The following SLC44A5 variants were observed in gnomAD, a reference collection of about 807,000 sequenced individuals.
The protein encoded by SLC44A5 is solute carrier family 44 member 5.
A neutral mutation model predicts 101.8 loss-of-function variants in SLC44A5; 57 were observed. The ratio of observed to expected loss-of-function variants is 0.56; its 90% CI spans 0.45 to 0.70. The LOEUF (loss-of-function observed/expected upper bound fraction) is 0.70, where lower values mean the gene tolerates loss of function less well. Among genes scored for constraint, SLC44A5 ranks in the 30% least tolerant of loss-of-function variants. The pLI is 0.00. For missense variants in SLC44A5, 737 were observed against 853.1 expected (o/e 0.86, Z 1.70); for synonymous variants, 281 against 290.9 (o/e 0.97, Z 0.35).
intron 2 of SLC44A5, among the ~76,000 whole-genome samples, chr1:75,513,406 A>G (rs148421198): frequency 6.6e-6 from 1 of 152,236 alleles, no homozygotes; most frequent in Non-Finnish European, 1.5e-5. Flanking sequence ...GCATTTGTAA[A>G]GTGCAGCTTT....
rs113845466 is a variant in SLC44A5, at chr1:75,586,476, A to T, written c.-70+24564T>A. 6.0e-4 allele frequency among the ~76,000 whole-genome samples: 51 copies of T among 84,802 alleles called. No individual in the cohort carries two copies. The East Asian group carries it at 0.056, about 93-fold the overall frequency. 55.6% of individuals were successfully genotyped at this position (84,802 alleles called of 152,430 possible). ...TTAAGAAATTATATATATATATATAAAATTTAAAATGACAGGCAGAAAATA... is the reference window on the plus strand; with the variant it reads ...TTAAGAAATTATATATATATATATATAATTTAAAATGACAGGCAGAAAATA... On this transcript the variant is annotated intron_variant, in intron 1 of 23. Transcript: ENST00000370859.
the SLC44A5 span, among the ~76,000 whole-genome samples, chr1:75,711,349 T>G: frequency 2.0e-5 from 3 of 152,194 alleles, no homozygotes; most frequent in Non-Finnish European, 4.4e-5. Flanking sequence ...AGACTCACTT[T>G]ATGCTGAAAT....
At chr1:75,352,990 T>G (rs1442760878) in intron 3 of SLC44A5, among the ~76,000 whole-genome samples, 1 of 152,232 alleles carries the variant, frequency 6.6e-6, no homozygotes, top group Non-Finnish European at 1.5e-5. Flanking sequence ...GTTTACTATT[T>G]CTTATACATT....
intron 2 of SLC44A5, among the ~76,000 whole-genome samples, chr1:75,473,453 T>A (rs867778165): frequency 1.3e-5 from 2 of 152,198 alleles, no homozygotes; most frequent in African/African-American, 4.8e-5. Flanking sequence ...GACATGGATT[T>A]AGCCCAACTG....
At chr1:75,575,317 T>C (rs1223343030) in intron 1 of SLC44A5, among the ~76,000 whole-genome samples, 1 of 152,170 alleles carries the variant, frequency 6.6e-6, no homozygotes, top group Non-Finnish European at 1.5e-5. Flanking sequence ...AATCATGGGG[T>C]AATACAGGGT....
chr1:75,374,833 C>G (rs1282598312), intron 3 of SLC44A5, among the ~76,000 whole-genome samples: 1 of 152,138 alleles, frequency 6.6e-6, no homozygotes, highest in Non-Finnish European at 1.5e-5. Context: ...CACAGTCAAA[C>G]ACAAAAATTA....
chr1:75,376,056 A>T (rs954108645), intron 3 of SLC44A5, among the ~76,000 whole-genome samples: 2 of 152,162 alleles, frequency 1.3e-5, no homozygotes, highest in African/African-American at 2.4e-5. Context: ...TTCCCTTTCC[A>T]AGTCAAAGAA....
rs1403768190 is a variant in SLC44A5 at position 75,242,877 on chromosome 1, C to T, written c.471+9G>A. 2.5e-6 allele frequency: 4 copies of T among 1,574,552 alleles called. No homozygotes were observed. The South Asian group carries it at 4.8e-5, about 19-fold the overall frequency. The stretch of plus-strand genomic sequence containing the variant: ...ATTGTTCTCTTGCTTTAAGCTTAAA[C>T]ACACATACCTTCACAGGCTTAGCAG... On this transcript the variant is annotated intron_variant, in intron 8 of 23. Transcript: ENST00000370859.
intron 1 of SLC44A5, among the ~76,000 whole-genome samples, chr1:75,552,316 T>C (rs1199372164): frequency 6.6e-6 from 1 of 152,144 alleles, no homozygotes; most frequent in Non-Finnish European, 1.5e-5. Flanking sequence ...GCTATTGACA[T>C]ATATGTTGAA....
intron 2 of SLC44A5, among the ~76,000 whole-genome samples, chr1:75,479,832 A>T (rs1570406479): frequency 6.6e-6 from 1 of 152,216 alleles, no homozygotes; most frequent in East Asian, 1.9e-4. Flanking sequence ...ACAAGGAGGA[A>T]CTGGTATCAT....
At chr1:75,604,723 C>G in intron 1 of SLC44A5, among the ~76,000 whole-genome samples, 1 of 149,904 alleles carries the variant, frequency 6.7e-6, no homozygotes, top group African/African-American at 2.5e-5. Context: ...TTGTAGAGAC[C>G]TTTTACTTCC....
intron 5 of SLC44A5, among the ~76,000 whole-genome samples, chr1:75,290,829 A>C (rs1448628892): frequency 6.6e-6 from 1 of 152,246 alleles, no homozygotes; most frequent in Admixed American, 6.5e-5. Flanking sequence ...TATATACAGC[A>C]AGACATTCAG....
intron 6 of SLC44A5, among the ~76,000 whole-genome samples, chr1:75,256,564 C>A (rs186328373): frequency 9.9e-5 from 15 of 152,230 alleles, no homozygotes; most frequent in Admixed American, 9.8e-4. Flanking sequence ...TTTTTAAAAT[C>A]ATTTTCAAAT....
chr1:75,308,599 T>C (rs548785739), intron 4 of SLC44A5, among the ~76,000 whole-genome samples: 1 of 152,268 alleles, frequency 6.6e-6, no homozygotes, highest in Non-Finnish European at 1.5e-5. Flanking sequence ...CTGCTTATAT[T>C]ACAGGTGGGG....
chr1:75,613,691 T>G (rs1358115078), upstream of SLC44A5, among the ~76,000 whole-genome samples: 1 of 152,196 alleles, frequency 6.6e-6, no homozygotes, highest in Non-Finnish European at 1.5e-5. Flanking sequence ...TGAGACCACA[T>G]GTCGTAAGAA....
chr1:75,644,026 T>C, the SLC44A5 span, among the ~76,000 whole-genome samples: 1 of 152,226 alleles, frequency 6.6e-6, no homozygotes, highest in Non-Finnish European at 1.5e-5. Context: ...CTCAGTTATC[T>C]ACATCCTAAT....
At chr1:75,531,516 A>G (rs1226515939) in intron 2 of SLC44A5, among the ~76,000 whole-genome samples, 1 of 152,152 alleles carries the variant, frequency 6.6e-6, no homozygotes, top group East Asian at 1.9e-4. Flanking sequence ...CATGCATATG[A>G]GTCACTGGGG....
chr1:75,383,312 C>A (rs1378176528), intron 3 of SLC44A5, among the ~76,000 whole-genome samples: 1 of 133,804 alleles, frequency 7.5e-6, no homozygotes, highest in Non-Finnish European at 1.6e-5. Flanking sequence ...CAGAGGCTGG[C>A]GGGATCCTCC....
At chr1:75,534,842 TGA>T (rs1357815745) in intron 2 of SLC44A5, among the ~76,000 whole-genome samples, 3 of 152,116 alleles carry the variant, frequency 2.0e-5, no homozygotes, top group African/African-American at 7.2e-5. Flanking sequence ...GAAAAAGAGG[TGA>T]GAGAGAGATA....
Sources: gnomAD v4.1 joint callset for allele counts (sites outside exome capture counted in the v4.1 genomes callset) on GRCh38, gnomAD v4.1.1 for gene constraint, MANE v1.5 for transcripts, NCBI Gene and HGNC (gene_info 2026-07-23, HGNC 2026-07-21) for gene names.